MRPS6: variants seen among roughly 807,000 people sequenced by gnomAD.
The protein encoded by MRPS6 is mitochondrial ribosomal protein S6, also known as small ribosomal subunit protein bS6m.
In MRPS6, 6 loss-of-function variants were observed where a neutral mutation model predicts 13.1. The ratio of observed to expected loss-of-function variants is 0.46; its 90% CI spans 0.25 to 0.91. The LOEUF is 0.91. Among genes scored for constraint, MRPS6 ranks in the 40% least tolerant of loss-of-function variants. The pLI is 0.18. For missense variants in MRPS6, 164 were observed against 155.6 expected, an observed-to-expected ratio of 1.05 and a Z score of -0.29; for synonymous variants, 61 against 56.5, an observed-to-expected ratio of 1.08 and a Z score of -0.36.
intron 1 of MRPS6, among the ~76,000 whole-genome samples, chr21:34,085,507 G>C (rs1011142784): frequency 6.6e-6 from 1 of 151,878 alleles, no homozygotes; most frequent in Non-Finnish European, 1.5e-5. Context: ...TTTAGCATCT[G>C]TTGGTGACTG....
rs1011540343 is a variant in MRPS6 at position 34,142,673 on chromosome 21, T to G, written c.*73T>G. On this transcript the variant is annotated 3_prime_UTR_variant, in exon 3 of 3. Transcript: ENST00000399312. ...GCAGCATGGACGAGAAGGAAGAATTTGCAAGTTTGGCCTTTATATAAGCAT... is the reference window on the plus strand; with the variant it reads ...GCAGCATGGACGAGAAGGAAGAATTGGCAAGTTTGGCCTTTATATAAGCAT... 8.2e-6 allele frequency: 12 copies of G among 1,458,574 alleles called. No homozygotes were observed. The highest frequency in any genetic ancestry group is 1.1e-5 in the Non-Finnish European group (12 of 1,110,972). The allele number at this position is 1,458,574 out of a possible 1,614,324, so 90.4% of individuals were successfully genotyped here. A position where few individuals can be genotyped will look rare whatever the true frequency, so the allele number is the denominator to read the frequency against.
intron 1 of MRPS6, among the ~76,000 whole-genome samples, chr21:34,075,333 C>A (rs1989301779): frequency 6.6e-6 from 1 of 152,166 alleles, no homozygotes; most frequent in African/African-American, 2.4e-5. Flanking sequence ...ACTTGCCCTC[C>A]CCTTTGTTTT....
intron 1 of MRPS6, among the ~76,000 whole-genome samples, chr21:34,120,341 G>A (rs1040956781): frequency 6.6e-6 from 1 of 151,194 alleles, no homozygotes; most frequent in Non-Finnish European, 1.5e-5. Flanking sequence ...GCAGCCCACT[G>A]CATTTTCATA....
At chr21:34,099,555 C>T in intron 1 of MRPS6, 2 of 999,698 alleles carry the variant, frequency 2.0e-6, no homozygotes, top group Non-Finnish European at 1.2e-6. Context: ...ATTGGCTGGG[C>T]AGCCTATCTC....
chr21:34,138,608 A>G (rs1980788165), intron 2 of MRPS6, among the ~76,000 whole-genome samples: 1 of 151,970 alleles, frequency 6.6e-6, no homozygotes, highest in Non-Finnish European at 1.5e-5. Context: ...ACTGGCCATC[A>G]GAGAAATGCA....
chr21:34,125,402 T>A lies in MRPS6; in HGVS notation c.107T>A (p.Val36Glu), dbSNP rs201698973. ...GCCCTGATGGACAGAGGAGCAATAG[T>A]GAGGGACTTGGAAAACCTGGGTGAA... ...IEALMDRGAI[V>E]RDLENLGERA... Residue 36 changes from valine (V) to glutamate (E), a missense_variant, in exon 2 of 3, where the codon GTG becomes GAG. Physicochemically the swap from Val to Glu is moderately radical, Grantham distance 121. Transcript: ENST00000399312. 9 of 1,613,942 alleles carry A rather than the reference T, an allele frequency of 5.6e-6. No individual in the cohort carries two copies. The highest frequency in any genetic ancestry group is 7.6e-6 in the Non-Finnish European group (9 of 1,179,962).
At chr21:34,108,093 A>G (rs375827315) in intron 1 of MRPS6, among the ~76,000 whole-genome samples, 1 of 152,178 alleles carries the variant, frequency 6.6e-6, no homozygotes, top group Non-Finnish European at 1.5e-5. Flanking sequence ...GTGATCTTGT[A>G]ACGTACCGTA....
At position 34,104,384 on chromosome 21, in the gene MRPS6, G is replaced by C. The variant is rs145168781; in HGVS notation, c.46-20957G>C. ...TTTTCCACCTCCTCACTTCACCTCCGAGTAGCTTGTTTATCAAGAATGAAT... is the reference window on the plus strand; with the variant it reads ...TTTTCCACCTCCTCACTTCACCTCCCAGTAGCTTGTTTATCAAGAATGAAT... On this transcript the variant is annotated intron_variant, in intron 1 of 2. Transcript: ENST00000399312. 19 of 1,000,092 alleles carry C rather than the reference G, an allele frequency of 1.9e-5. No homozygotes were observed. The African/African-American group carries it at 2.8e-4, about 15-fold the overall frequency. 62.0% of individuals were successfully genotyped at this position (1,000,092 alleles called of 1,614,324 possible).
intron 1 of MRPS6, chr21:34,098,357 G>T: frequency 1.0e-6 from 1 of 1,000,258 alleles, no homozygotes. Flanking sequence ...CTGCCTTTGT[G>T]TGCTGGATTG....
chr21:34,118,155 T>C (rs1419527939), intron 1 of MRPS6, among the ~76,000 whole-genome samples: 2 of 152,180 alleles, frequency 1.3e-5, no homozygotes, highest in Admixed American at 6.5e-5. Flanking sequence ...CTTACTACAC[T>C]TTATGTACAG....
chr21:34,097,488 C>A, intron 1 of MRPS6: 1 of 1,432,694 alleles, frequency 7.0e-7, no homozygotes, highest in Non-Finnish European at 9.2e-7. Flanking sequence ...AGCAGAAAAT[C>A]ATCTAATTAC....
intron 1 of MRPS6, among the ~76,000 whole-genome samples, chr21:34,118,105 T>C (rs1979991648): frequency 6.6e-6 from 1 of 152,112 alleles, no homozygotes; most frequent in Admixed American, 6.6e-5. Flanking sequence ...ACAGCATTGG[T>C]TTATTCAAAG....
intron 1 of MRPS6, among the ~76,000 whole-genome samples, chr21:34,117,195 G>A (rs1342722797): frequency 6.6e-6 from 1 of 152,130 alleles, no homozygotes; most frequent in Non-Finnish European, 1.5e-5. Context: ...GCCATAGGTG[G>A]AAGAAAACAA....
chr21:34,109,909 AAAAT>A (rs1372805076), intron 1 of MRPS6, among the ~76,000 whole-genome samples: 12 of 152,296 alleles, frequency 7.9e-5, no homozygotes, highest in African/African-American at 2.4e-4. Context: ...AAAGCTGAAA[AAAAT>A]CTCTTTACAG....
At chr21:34,126,053 G>A (rs1980292348) in intron 2 of MRPS6, among the ~76,000 whole-genome samples, 1 of 152,212 alleles carries the variant, frequency 6.6e-6, no homozygotes, top group Non-Finnish European at 1.5e-5. Flanking sequence ...AGAACAATTT[G>A]TAGAATAGAT....
In MRPS6 at chr21:34,115,414, A is replaced by G. The variant is rs557609586; in HGVS notation, c.46-9927A>G. Among the ~76,000 whole-genome samples the G allele has an allele frequency of 3.3e-5, 5 of 152,286 alleles. No individual in the cohort carries two copies. The South Asian group carries it at 8.3e-4, about 25-fold the overall frequency. ...TCAGGGCCAGACTTGGTCTTGTCCT[A>G]TCACGTCTTTTTGGTGCACTCTGAT... On this transcript the variant is annotated intron_variant, in intron 1 of 2. Coordinates refer to ENST00000399312, the MANE Select transcript of MRPS6 (RefSeq NM_032476.4).
intron 1 of MRPS6, chr21:34,122,090 A>G (rs887118232): frequency 2.0e-5 from 3 of 152,278 alleles, no homozygotes; most frequent in African/African-American, 7.2e-5. Flanking sequence ...AGGACCTGCC[A>G]GCTTCCCTCA....
In MRPS6 at chr21:34,096,788, C is replaced by A; in HGVS notation, c.45+23043C>A. Reference sequence around the variant, plus strand: ...CGGGACTCATTACTGTAATTGTGAGCCTTCTCACACCACCTCCCACAAAGG... The same window carrying A: ...CGGGACTCATTACTGTAATTGTGAGACTTCTCACACCACCTCCCACAAAGG... On this transcript the variant is annotated intron_variant, in intron 1 of 2. Coordinates refer to ENST00000399312, the MANE Select transcript of MRPS6 (RefSeq NM_032476.4). This position sits in a 1 kb window ranked among gnomAD's most constrained non-coding sequence, Gnocchi z 5.9. The A allele has an allele frequency of 1.2e-6, 2 of 1,613,960 alleles. No homozygotes were observed. The highest frequency in any genetic ancestry group is 1.7e-6 in the Non-Finnish European group (2 of 1,179,914).
At chr21:34,121,743 A>G (rs1980127832) in intron 1 of MRPS6, among the ~76,000 whole-genome samples, 1 of 152,228 alleles carries the variant, frequency 6.6e-6, no homozygotes, top group Non-Finnish European at 1.5e-5. Context: ...ATGCTTTTGT[A>G]AGTTGAACAT....
Sources: allele counts gnomAD v4.1 joint callset (sites outside exome capture counted in the v4.1 genomes callset), GRCh38; gene constraint gnomAD v4.1.1; non-coding constraint Gnocchi (gnomAD v3.1); transcripts MANE v1.5; gene names NCBI Gene and HGNC (gene_info 2026-07-23, HGNC 2026-07-21).